Variants in TUNAR observed in about 807,000 individuals in gnomAD.
The protein encoded by TUNAR is protein TUNAR.
chr14:95,877,906 C>T (rs2139648820), intron 2 of TUNAR, among the ~76,000 whole-genome samples: 1 of 152,338 alleles, frequency 6.6e-6, no homozygotes, highest in Admixed American at 6.5e-5. Context: ...CCTAGGTGTT[C>T]TCTTTCCTGG....
intron 2 of TUNAR, among the ~76,000 whole-genome samples, chr14:95,914,038 G>A (rs1889562625): frequency 6.6e-6 from 1 of 152,228 alleles, no homozygotes. Context: ...GCCCCTAGGT[G>A]GACTTTATAG....
At chr14:95,908,074 C>T (rs1169545153) in intron 2 of TUNAR, among the ~76,000 whole-genome samples, 2 of 152,212 alleles carry the variant, frequency 1.3e-5, no homozygotes, top group Non-Finnish European at 2.9e-5. Flanking sequence ...TTCAGGCCCT[C>T]CCTGGCCTTA....
At chr14:95,889,347 T>G (rs1889130769) in intron 2 of TUNAR, among the ~76,000 whole-genome samples, 1 of 152,226 alleles carries the variant, frequency 6.6e-6, no homozygotes, top group Non-Finnish European at 1.5e-5. Flanking sequence ...AGAAGTTCAT[T>G]GTTTTCCTTC....
chr14:95,900,667 C>A (rs548116831), intron 2 of TUNAR, among the ~76,000 whole-genome samples: 35 of 152,308 alleles, frequency 2.3e-4, no homozygotes, highest in African/African-American at 8.2e-4. Context: ...GCATAGTAAG[C>A]CTTAATCCAG....
At chr14:95,921,422 G>C (rs1481740413) in intron 2 of TUNAR, among the ~76,000 whole-genome samples, 1 of 152,216 alleles carries the variant, frequency 6.6e-6, no homozygotes, top group Non-Finnish European at 1.5e-5. Flanking sequence ...CACACACACT[G>C]ATCCTATTTT....
intron 2 of TUNAR, among the ~76,000 whole-genome samples, chr14:95,887,676 G>A (rs1314353835): frequency 6.6e-6 from 1 of 152,202 alleles, no homozygotes; most frequent in Non-Finnish European, 1.5e-5. Flanking sequence ...GTTTCGGACA[G>A]TACTAATCTA....
intron 2 of TUNAR, among the ~76,000 whole-genome samples, chr14:95,880,090 A>G (rs1888956014): frequency 6.6e-6 from 1 of 152,102 alleles, no homozygotes; most frequent in African/African-American, 2.4e-5. Flanking sequence ...TGGGCAAATT[A>G]TTTCCATTTG....
intron 2 of TUNAR, among the ~76,000 whole-genome samples, chr14:95,884,850 G>A (rs1889049090): frequency 6.6e-6 from 1 of 152,014 alleles, no homozygotes; most frequent in South Asian, 2.1e-4. Flanking sequence ...ATGAAACAAT[G>A]TGGTCTGGAA....
At chr14:95,917,878 G>T (rs1472542497) in intron 2 of TUNAR, among the ~76,000 whole-genome samples, 1 of 152,142 alleles carries the variant, frequency 6.6e-6, no homozygotes, top group African/African-American at 2.4e-5. Context: ...TGTATTTAGG[G>T]TTGTGCAACT....
At chr14:95,913,417 G>A (rs59626876) in intron 2 of TUNAR, among the ~76,000 whole-genome samples, 27,746 of 151,954 alleles carry the variant, frequency 0.18, 2,994 homozygotes, top group African/African-American at 0.29. Flanking sequence ...AACATGCGGC[G>A]TTTGGTTTTC....
chr14:95,885,091 C>A (rs1005219550), intron 2 of TUNAR, among the ~76,000 whole-genome samples: 4 of 152,164 alleles, frequency 2.6e-5, no homozygotes, highest in Non-Finnish European at 4.4e-5. Context: ...GCGTGCTCAG[C>A]GCATGGGGCC....
At chr14:95,886,010 C>T (rs1009057821) in intron 2 of TUNAR, among the ~76,000 whole-genome samples, 68 of 152,242 alleles carry the variant, frequency 4.5e-4, no homozygotes, top group African/African-American at 1.6e-3. Context: ...GCAAGGTAGC[C>T]GCTGGCTTCA....
intron 2 of TUNAR, among the ~76,000 whole-genome samples, chr14:95,881,748 A>G (rs1017949187): frequency 1.3e-5 from 2 of 152,250 alleles, no homozygotes; most frequent in African/African-American, 4.8e-5. Flanking sequence ...GTAAGTGTGC[A>G]GAGCTGGCCA....
intron 2 of TUNAR, among the ~76,000 whole-genome samples, chr14:95,898,160 A>G (rs2139660986): frequency 6.6e-6 from 1 of 152,370 alleles, no homozygotes; most frequent in Middle Eastern, 3.4e-3. Context: ...TTTTATGCTC[A>G]CACTGAAGGT....
chr14:95,894,018 CT>C (rs1209242308), intron 2 of TUNAR, among the ~76,000 whole-genome samples: 2 of 152,222 alleles, frequency 1.3e-5, no homozygotes, highest in African/African-American at 2.4e-5. Flanking sequence ...CGATTTTGCC[CT>C]GTTTTGGTGG....
At chr14:95,913,107 T>C (rs1271361710) in intron 2 of TUNAR, among the ~76,000 whole-genome samples, 2 of 152,044 alleles carry the variant, frequency 1.3e-5, no homozygotes, top group East Asian at 3.8e-4. Context: ...CTTTTTTTTT[T>C]TACCTCATGG....
intron 2 of TUNAR, among the ~76,000 whole-genome samples, chr14:95,887,175 C>G (rs918183491): frequency 3.3e-5 from 5 of 152,224 alleles, no homozygotes; most frequent in Non-Finnish European, 7.3e-5. Context: ...CTAGTGCACA[C>G]TTACGTACAT....
At chr14:95,914,479 A>G (rs548995529) in intron 2 of TUNAR, among the ~76,000 whole-genome samples, 1 of 152,354 alleles carries the variant, frequency 6.6e-6, no homozygotes, top group South Asian at 2.1e-4. Flanking sequence ...GGAGAGGACA[A>G]ACCTGCCCAG....
intron 2 of TUNAR, among the ~76,000 whole-genome samples, chr14:95,912,782 C>CCTTTTTTT (rs984058347): frequency 2.6e-5 from 4 of 152,100 alleles, no homozygotes; most frequent in African/African-American, 9.7e-5. Context: ...TGGGCATCTT[C>CCTTTTTTT]CTTTTTTTCT....
Sources: allele counts gnomAD v4.1 joint callset (sites outside exome capture counted in the v4.1 genomes callset), GRCh38; gene constraint gnomAD v4.1.1; transcripts MANE v1.5; gene names NCBI Gene and HGNC (gene_info 2026-07-23, HGNC 2026-07-21).